MAST2: variants seen among roughly 807,000 people sequenced by gnomAD.
MAST2 encodes microtubule associated serine/threonine kinase 2.
MAST2 carries 70 observed loss-of-function variants against 147.4 expected under a neutral mutation model. The ratio of observed to expected loss-of-function variants is 0.47; its 90% CI spans 0.39 to 0.58. The LOEUF (loss-of-function observed/expected upper bound fraction) is 0.58. Ranked by LOEUF, MAST2 falls within the 20% of genes least tolerant of loss-of-function variation. The pLI, the probability that MAST2 is intolerant of heterozygous loss-of-function variation, is 0.00. For missense variants in MAST2, 2,080 were observed against 2,302.3 expected (o/e 0.90, Z 1.98); for synonymous variants, 869 against 896.8 (o/e 0.97, Z 0.55).
intron 3 of MAST2, among the ~76,000 whole-genome samples, chr1:45,862,851 A>C (rs972899388): frequency 3.3e-5 from 5 of 152,160 alleles, no homozygotes; most frequent in African/African-American, 4.8e-5. Context: ...AGTTTTAGTG[A>C]CCAAATGGCA....
At chr1:45,833,323 C>T (rs922727859) in intron 3 of MAST2, among the ~76,000 whole-genome samples, 1 of 151,942 alleles carries the variant, frequency 6.6e-6, no homozygotes, top group Middle Eastern at 3.2e-3. Context: ...AAGGATCATA[C>T]AATCGTATCA....
chr1:45,973,669 C>T (rs1178049319), intron 5 of MAST2, among the ~76,000 whole-genome samples: 2 of 152,120 alleles, frequency 1.3e-5, no homozygotes, highest in East Asian at 3.8e-4. Context: ...TGGGACATTC[C>T]AGTTTTCAGA....
At chr1:45,985,019 G>A (rs1214789729) in intron 5 of MAST2, among the ~76,000 whole-genome samples, 2 of 152,088 alleles carry the variant, frequency 1.3e-5, no homozygotes, top group Non-Finnish European at 2.9e-5. Context: ...ATGTTACTGT[G>A]ATAAAATTGA....
At chr1:45,989,835 A>C (rs749601895) in intron 5 of MAST2, among the ~76,000 whole-genome samples, 31 of 152,186 alleles carry the variant, frequency 2.0e-4, no homozygotes, top group Non-Finnish European at 3.4e-4. Context: ...GAATCTTATG[A>C]CATATAGCCT....
intron 27 of MAST2, 29 bp downstream of exon 27, chr1:46,033,967 C>G (rs778117223): frequency 6.2e-7 from 1 of 1,612,932 alleles, no homozygotes; most frequent in Non-Finnish European, 8.5e-7. Context: ...AGAGGGTTTT[C>G]TCTGAGCCAC....
chr1:45,871,471 T>C (rs569851902), intron 3 of MAST2, among the ~76,000 whole-genome samples: 1 of 152,324 alleles, frequency 6.6e-6, no homozygotes, highest in African/African-American at 2.4e-5. Flanking sequence ...TTACCTGAGC[T>C]AGCATGATAA....
intron 3 of MAST2, among the ~76,000 whole-genome samples, chr1:45,855,126 A>G (rs757450641): frequency 6.6e-6 from 1 of 152,064 alleles, no homozygotes; most frequent in African/African-American, 2.4e-5. Context: ...GAAAGTTCCA[A>G]TTTTCTAATC....
intron 4 of MAST2, among the ~76,000 whole-genome samples, chr1:45,921,188 G>GT (rs1264962443): frequency 6.6e-6 from 1 of 152,148 alleles, no homozygotes; most frequent in African/African-American, 2.4e-5. Context: ...TAGAGACGGG[G>GT]TTTCACCACG....
intron 5 of MAST2, among the ~76,000 whole-genome samples, chr1:45,983,232 G>C (rs1008602990): frequency 3.3e-5 from 5 of 152,088 alleles, no homozygotes; most frequent in African/African-American, 9.7e-5. Context: ...TACTTAATAA[G>C]TACAGTATTT....
intron 4 of MAST2, among the ~76,000 whole-genome samples, chr1:45,892,375 C>T (rs1255938899): frequency 6.6e-6 from 1 of 152,208 alleles, no homozygotes; most frequent in Non-Finnish European, 1.5e-5. Context: ...ACAAGGAATA[C>T]AACTGGCTCC....
At chr1:45,845,457 GTTT>G (rs770787634) in intron 3 of MAST2, among the ~76,000 whole-genome samples, 1 of 151,994 alleles carries the variant, frequency 6.6e-6, no homozygotes, top group Non-Finnish European at 1.5e-5. Context: ...CAGCATTAAT[GTTT>G]TTATTATTTT....
At chr1:45,855,006 G>A (rs989926127) in intron 3 of MAST2, among the ~76,000 whole-genome samples, 1 of 152,194 alleles carries the variant, frequency 6.6e-6, no homozygotes, top group Non-Finnish European at 1.5e-5. Flanking sequence ...CCAGGTACCT[G>A]CATGTGGTCA....
At chr1:45,927,626 T>C (rs1654606817) in intron 4 of MAST2, among the ~76,000 whole-genome samples, 1 of 152,206 alleles carries the variant, frequency 6.6e-6, no homozygotes, top group South Asian at 2.1e-4. Flanking sequence ...ATTGCTGTTA[T>C]CCTGTTCTTT....
intron 3 of MAST2, among the ~76,000 whole-genome samples, chr1:45,850,397 T>TAA (rs1645586614): frequency 6.6e-6 from 1 of 152,236 alleles, no homozygotes; most frequent in Non-Finnish European, 1.5e-5. Flanking sequence ...TGTAGGCTGT[T>TAA]AACTCTACTG....
intron 4 of MAST2, among the ~76,000 whole-genome samples, chr1:45,943,127 T>C (rs1194429336): frequency 6.6e-6 from 1 of 152,186 alleles, no homozygotes; most frequent in East Asian, 1.9e-4. Flanking sequence ...AACAGTAGCA[T>C]ATGCAAGAGA....
chr1:45,962,252 G>A (rs1040031621), intron 5 of MAST2, among the ~76,000 whole-genome samples: 1 of 152,152 alleles, frequency 6.6e-6, no homozygotes, highest in African/African-American at 2.4e-5. Context: ...TGTCTTTATA[G>A]CAGCATGATT....
chr1:45,874,017 C>T (rs1646501529), intron 3 of MAST2, among the ~76,000 whole-genome samples: 2 of 152,128 alleles, frequency 1.3e-5, no homozygotes, highest in African/African-American at 4.8e-5. Flanking sequence ...GATGGGGTTT[C>T]ACCATGTTGC....
chr1:45,973,331 T>C (rs1171759198), intron 5 of MAST2, among the ~76,000 whole-genome samples: 2 of 152,204 alleles, frequency 1.3e-5, no homozygotes, highest in Non-Finnish European at 2.9e-5. Flanking sequence ...CTTGTCTCCA[T>C]AATTTCAGTT....
chr1:46,012,015 T>G (rs1179657970), intron 10 of MAST2, among the ~76,000 whole-genome samples: 1 of 152,216 alleles, frequency 6.6e-6, no homozygotes, highest in Non-Finnish European at 1.5e-5. Context: ...GAAAAAGTAG[T>G]TCCTTCTACA....
Sources: gnomAD v4.1 joint callset for allele counts (sites outside exome capture counted in the v4.1 genomes callset) on GRCh38, gnomAD v4.1.1 for gene constraint, MANE v1.5 for transcripts, NCBI Gene and HGNC (gene_info 2026-07-23, HGNC 2026-07-21) for gene names.